Variants in GRID2IP observed in about 807,000 individuals in gnomAD.
GRID2IP encodes delphilin.
GRID2IP carries 78 observed loss-of-function variants against 114.3 expected under a neutral mutation model. The observed-to-expected ratio is 0.68, with a 90% CI of 0.57 to 0.82. The LOEUF (loss-of-function observed/expected upper bound fraction) is 0.82. GRID2IP is among the 40% of genes least tolerant of loss of function. GRID2IP has a pLI of 0.00. For synonymous variants in GRID2IP, 809 were observed against 724.0 expected, an observed-to-expected ratio of 1.12 and a Z score of -1.89; for missense variants, 1,727 against 1,678.5, an observed-to-expected ratio of 1.03 and a Z score of -0.51.
chr7:6,533,479 C>G (rs1050036760), intron 2 of GRID2IP, among the ~76,000 whole-genome samples: 1 of 152,110 alleles, frequency 6.6e-6, no homozygotes, highest in East Asian at 1.9e-4. Context: ...CCACCTCAGC[C>G]TCCCAAATAG....
rs1340568548 is a variant in GRID2IP at position 6,534,118 on chromosome 7, C to T, written c.584+5600G>A. ...TTCCTACCAAGAACCCTGCTGAGAA[C>T]ACCCAGAAACTACCAAGCCCGTTTT... On this transcript the variant is annotated intron_variant, in intron 2 of 21. Coordinates refer to ENST00000457091, the MANE Select transcript of GRID2IP (RefSeq NM_001145118.2). This position sits in a 1 kb window ranked among gnomAD's most constrained non-coding sequence, Gnocchi z 4.5. Among the ~76,000 whole-genome samples the T allele has an allele frequency of 6.6e-6, 1 of 152,162 alleles. No individual in the cohort carries two copies. Among genetic ancestry groups the T allele is most frequent in the Admixed American group, 6.5e-5 (1 of 15,276 alleles).
At chr7:6,518,929 T>G (rs1202155112) in intron 7 of GRID2IP, among the ~76,000 whole-genome samples, 1 of 152,166 alleles carries the variant, frequency 6.6e-6, no homozygotes, top group East Asian at 1.9e-4. Context: ...GTTTTTTTGT[T>G]TTTTTTTGAG....
At chr7:6,502,947 G>A (rs1281466155) in intron 17 of GRID2IP, 61 bp downstream of exon 17, 7 of 1,547,878 alleles carry the variant, frequency 4.5e-6, no homozygotes, top group African/African-American at 4.1e-5. Flanking sequence ...TGGGCCTCCA[G>A]GCTGGAAGCC....
chr7:6,539,998 A>AG, intron 1 of GRID2IP, 126 bp from the exon 2 acceptor site: 15 of 724,400 alleles, frequency 2.1e-5, no homozygotes, highest in Non-Finnish European at 3.0e-5. Context: ...GTACCACCTG[A>AG]GTGCTATGCC....
chr7:6,545,200 G>A (rs1779869641), intron 1 of GRID2IP, among the ~76,000 whole-genome samples: 1 of 152,036 alleles, frequency 6.6e-6, no homozygotes, highest in South Asian at 2.1e-4. Flanking sequence ...GATCTCTTGT[G>A]CCCGGGAAAT....
At chr7:6,549,940 A>G (rs554223380) in intron 1 of GRID2IP, among the ~76,000 whole-genome samples, 5 of 151,716 alleles carry the variant, frequency 3.3e-5, no homozygotes, top group Non-Finnish European at 7.4e-5. Context: ...TGGCTCTTTT[A>G]CACTTGATCT....
chr7:6,520,638 A>C lies in GRID2IP; in HGVS notation c.1208T>G (p.Leu403Arg). 2 of 1,551,712 alleles carry C rather than the reference A, an allele frequency of 1.3e-6. No homozygotes were observed. The highest frequency in any genetic ancestry group is 1.7e-6 in the Non-Finnish European group (2 of 1,146,994). ...GRTFSQQLEH[L>R]LTPPERYGVC... is the part of the protein sequence containing the mutation. ...CCCATAGCGCTCAGGAGGTGTGAGT[A>C]GGTGCTCCAGCTGCTGGCTGAAGGT... Residue 403 changes from leucine (L) to arginine (R), a missense_variant, in exon 7 of 22, where the codon CTA (leucine) becomes CGA (arginine). Transcript: ENST00000457091. This position sits in a 1 kb window ranked among gnomAD's most constrained non-coding sequence, Gnocchi z 4.6.
intron 2 of GRID2IP, chr7:6,531,145 G>C (rs1779614320): frequency 5.9e-6 from 3 of 504,810 alleles, no homozygotes; most frequent in African/African-American, 2.0e-5. Context: ...GAAGGGCAGG[G>C]GGTAGCCGAG....
rs546079407 is a variant in GRID2IP, at chr7:6,511,324, C to T, written c.1424-285G>A. ...GCTTCCAGAGTCTCAACGCCCTGTG[C>T]TTGCCCCAGGCCAAGTCACTGCTGC... is the stretch of plus-strand genomic sequence containing the variant. On this transcript the variant is annotated intron_variant, in intron 8 of 21. Transcript: ENST00000457091. Among the ~76,000 whole-genome samples, 37 of 152,278 alleles carry T rather than the reference C, an allele frequency of 2.4e-4. No homozygotes were observed. The South Asian group carries it at 6.8e-3, about 28-fold the overall frequency.
intron 21 of GRID2IP, 85 bp from the exon 22 acceptor site, chr7:6,497,930 C>G (rs1786302638): frequency 1.4e-6 from 2 of 1,400,054 alleles, no homozygotes; most frequent in African/African-American, 1.4e-5. Flanking sequence ...CACTAGACAG[C>G]CCATCAGGGG....
At chr7:6,533,629 G>A (rs944262650) in intron 2 of GRID2IP, among the ~76,000 whole-genome samples, 2 of 151,078 alleles carry the variant, frequency 1.3e-5, no homozygotes, top group Non-Finnish European at 1.5e-5. Context: ...CTCCAAAATC[G>A]CTAGGATTAC....
chr7:6,503,925 G>C (rs968276910), intron 15 of GRID2IP, among the ~76,000 whole-genome samples: 8 of 132,180 alleles, frequency 6.1e-5, no homozygotes, highest in Non-Finnish European at 1.3e-4. Flanking sequence ...CTAAGGGGAA[G>C]AAAAAAGGAA....
In GRID2IP at chr7:6,551,126, G is replaced by A. The variant is rs1779970985; in HGVS notation, c.311C>T (p.Ala104Val). The change falls in exon 1 of 22, where the codon GCC (alanine) becomes GTC (valine). Residue 104 changes from alanine to valine, a missense_variant. Coordinates refer to ENST00000457091, the MANE Select transcript of GRID2IP (RefSeq NM_001145118.2). ...AGCTAGGCCGCGGCCGCACCGCGGG[G>A]CCCGCAAGACTGTGGTCGGGGCCGC... ...GPAAPTTVLR[A>V]PRCGRGLALG... 5 of 1,303,718 alleles carry A rather than the reference G, an allele frequency of 3.8e-6. No homozygotes were observed. The highest frequency in any genetic ancestry group is 4.3e-5 in the Admixed American group (1 of 23,520). The allele number at this position is 1,303,718 out of a possible 1,614,324, so 80.8% of individuals were successfully genotyped here.
At chr7:6,530,231 T>C (rs1176218836) in intron 2 of GRID2IP, among the ~76,000 whole-genome samples, 2 of 152,080 alleles carry the variant, frequency 1.3e-5, no homozygotes, top group Non-Finnish European at 2.9e-5. Flanking sequence ...GTGCTGGGAT[T>C]ACAGGAGTGA....
intron 1 of GRID2IP, among the ~76,000 whole-genome samples, chr7:6,545,861 C>T (rs530575218): frequency 7.0e-4 from 107 of 152,206 alleles, no homozygotes; most frequent in African/African-American, 2.2e-3. Context: ...CCCACGCACG[C>T]GCCGTGCTGG....
chr7:6,538,852 C>T (rs1385717105), intron 2 of GRID2IP, among the ~76,000 whole-genome samples: 4 of 150,874 alleles, frequency 2.7e-5, no homozygotes, highest in African/African-American at 4.9e-5. Context: ...CCAGCCTGGG[C>T]GATAGAGTGA....
At chr7:6,517,438 A>G (rs1398690824) in intron 7 of GRID2IP, among the ~76,000 whole-genome samples, 1 of 152,170 alleles carries the variant, frequency 6.6e-6, no homozygotes, top group Non-Finnish European at 1.5e-5. Context: ...TGGACCCTAC[A>G]CAAAACTATA....
chr7:6,539,110 G>A (rs1365350349), intron 2 of GRID2IP, among the ~76,000 whole-genome samples: 2 of 149,888 alleles, frequency 1.3e-5, no homozygotes, highest in Non-Finnish European at 2.9e-5. Context: ...TAGGTTTTGG[G>A]GTGGAGCAGG....
At chr7:6,524,422 G>C (rs542258555) in intron 4 of GRID2IP, among the ~76,000 whole-genome samples, 1 of 152,190 alleles carries the variant, frequency 6.6e-6, no homozygotes, top group Non-Finnish European at 1.5e-5. Flanking sequence ...GTTACAGGGA[G>C]GGAGAATTCA....
Sources: gnomAD v4.1 joint callset for allele counts (sites outside exome capture counted in the v4.1 genomes callset) on GRCh38, gnomAD v4.1.1 for gene constraint, Gnocchi (gnomAD v3.1) non-coding constraint, MANE v1.5 for transcripts, NCBI Gene and HGNC (gene_info 2026-07-23, HGNC 2026-07-21) for gene names.